The following OSBPL9 variants were observed in gnomAD, a reference collection of about 807,000 sequenced individuals.
OSBPL9 encodes the protein oxysterol binding protein like 9.
A neutral mutation model predicts 106.6 loss-of-function variants in OSBPL9; 40 were observed. That is an observed-to-expected ratio of 0.38 (90% CI 0.29 to 0.49). The LOEUF (loss-of-function observed/expected upper bound fraction) is 0.49. Ranked by LOEUF, OSBPL9 falls within the 20% of genes least tolerant of loss-of-function variation. OSBPL9 has a pLI of 0.97. For synonymous variants in OSBPL9, 269 were observed against 295.4 expected (o/e 0.91, Z 0.92); for missense variants, 609 against 887.2 (o/e 0.69, Z 3.98).
the OSBPL9 span, among the ~76,000 whole-genome samples, chr1:51,518,938 G>T: frequency 6.6e-6 from 1 of 151,354 alleles, no homozygotes; most frequent in Admixed American, 6.6e-5. Flanking sequence ...GCAGCGGCGC[G>T]GAGGGCGGCG....
chr1:51,591,261 G>A (rs1455926360), intron 1 of OSBPL9, among the ~76,000 whole-genome samples: 41 of 151,880 alleles, frequency 2.7e-4, no homozygotes, highest in Non-Finnish European at 7.4e-5. Context: ...TAATAGAGAC[G>A]AGGTCTCACT....
chr1:51,673,015 TG>T (rs1650263288), intron 3 of OSBPL9, among the ~76,000 whole-genome samples: 1 of 152,118 alleles, frequency 6.6e-6, no homozygotes, highest in Admixed American at 6.6e-5. Flanking sequence ...CACAAGAATT[TG>T]GGAATAAATG....
At chr1:51,596,611 C>G (rs1645301022) in intron 1 of OSBPL9, among the ~76,000 whole-genome samples, 1 of 149,574 alleles carries the variant, frequency 6.7e-6, no homozygotes, top group South Asian at 2.1e-4. Context: ...GAAACCCCAT[C>G]CCTACTAAAA....
upstream of OSBPL9, among the ~76,000 whole-genome samples, chr1:51,576,290 C>T (rs1031361130): frequency 1.3e-5 from 2 of 152,126 alleles, no homozygotes; most frequent in African/African-American, 4.8e-5. Context: ...GAGGGAGGGG[C>T]CTCAGAGCTT....
In OSBPL9 at chr1:51,720,899, G is replaced by A. The variant is rs138310394; in HGVS notation, c.318+6820G>A. 5.8e-3 allele frequency among the ~76,000 whole-genome samples: 851 copies of A among 147,596 alleles called. 2 individuals carry two copies. Among genetic ancestry groups the A allele is most frequent in the African/African-American group, 0.02 (811 of 39,910 alleles). On this transcript the variant is annotated intron_variant, in intron 4 of 23. Transcript: ENST00000428468. Reference sequence around the variant, plus strand: ...TGCAGCCTCGACCTCCCAGGCTCAAGCAGTCCTCTCACCTCAGCCTTCTAA... The same window carrying A: ...TGCAGCCTCGACCTCCCAGGCTCAAACAGTCCTCTCACCTCAGCCTTCTAA...
intron 3 of OSBPL9, among the ~76,000 whole-genome samples, chr1:51,681,224 A>G (rs1652486752): frequency 6.6e-6 from 1 of 152,234 alleles, no homozygotes; most frequent in Non-Finnish European, 1.5e-5. Flanking sequence ...ACCTTTGTAT[A>G]TAATGTACCT....
At chr1:51,599,530 TATC>T (rs1645317591) in intron 2 of OSBPL9, among the ~76,000 whole-genome samples, 1 of 152,138 alleles carries the variant, frequency 6.6e-6, no homozygotes, top group South Asian at 2.1e-4. Flanking sequence ...CTTTTTAGAA[TATC>T]ATGCTTAGAT....
intron 1 of OSBPL9, among the ~76,000 whole-genome samples, chr1:51,648,182 C>T (rs116639142): frequency 6.6e-5 from 10 of 152,244 alleles, no homozygotes; most frequent in South Asian, 2.1e-4. Context: ...AGATTGCTGG[C>T]GTTATGTCAG....
At chr1:51,681,294 G>C (rs988888807) in intron 3 of OSBPL9, among the ~76,000 whole-genome samples, 6 of 151,822 alleles carry the variant, frequency 4.0e-5, no homozygotes, top group African/African-American at 1.2e-4. Flanking sequence ...GGTATAGGAG[G>C]GTATATTCTT....
intron 2 of OSBPL9, among the ~76,000 whole-genome samples, chr1:51,608,349 G>A (rs1328121444): frequency 6.6e-6 from 1 of 152,148 alleles, no homozygotes; most frequent in Non-Finnish European, 1.5e-5. Context: ...CTAGAGTGCA[G>A]TGGTGCAATC....
intron 2 of OSBPL9, 51 bp from the exon 3 acceptor site, chr1:51,669,383 A>G: frequency 2.0e-6 from 3 of 1,502,734 alleles, no homozygotes; most frequent in Non-Finnish European, 2.8e-6. Context: ...AGTAGTGAAT[A>G]TTGCTGATGT....
intron 2 of OSBPL9, among the ~76,000 whole-genome samples, chr1:51,658,495 A>C (rs1431592947): frequency 2.6e-5 from 4 of 152,194 alleles, no homozygotes; most frequent in Admixed American, 1.3e-4. Context: ...TGGTAAATTT[A>C]TTATACATCT....
At chr1:51,741,800 ATTG>A (rs1412558276) in intron 4 of OSBPL9, among the ~76,000 whole-genome samples, 2 of 152,080 alleles carry the variant, frequency 1.3e-5, no homozygotes, top group Non-Finnish European at 2.9e-5. Flanking sequence ...TTTCTCTATA[ATTG>A]TTGTGTATAA....
intron 3 of OSBPL9, among the ~76,000 whole-genome samples, chr1:51,713,753 TC>T (rs1660545716): frequency 6.6e-6 from 1 of 152,236 alleles, no homozygotes; most frequent in Non-Finnish European, 1.5e-5. Context: ...CTAGTTGTTC[TC>T]AGTGGGAAGG....
chr1:51,774,147 A>G (rs1316964036), intron 14 of OSBPL9, among the ~76,000 whole-genome samples: 1 of 152,174 alleles, frequency 6.6e-6, no homozygotes, highest in Non-Finnish European at 1.5e-5. Flanking sequence ...AGAGAAGGCC[A>G]TGGCAGCCCA....
Position 51,617,107 on chromosome 1 carries a change from C to A in OSBPL9, c.-4C>A, listed in dbSNP as rs1271478367. The A allele has an allele frequency of 6.2e-7, 1 of 1,608,502 alleles. No individual in the cohort carries two copies. Among genetic ancestry groups the A allele is most frequent in the East Asian group, 2.2e-5 (1 of 44,652 alleles). ...GCCGTTTGTTGTCATTGGCGGCTCC[C>A]AAGATGGCGTCCATCATGGAAGGGC... On this transcript the variant is annotated 5_prime_UTR_variant, in exon 1 of 24. Transcript: ENST00000428468.
intron 13 of OSBPL9, 71 bp downstream of exon 13, chr1:51,772,253 C>T: frequency 9.3e-6 from 12 of 1,292,096 alleles, no homozygotes; most frequent in Non-Finnish European, 1.2e-5. Context: ...TGGCTCATGC[C>T]GTAATCCCAG....
chr1:51,571,565 G>A, the OSBPL9 span, among the ~76,000 whole-genome samples: 2 of 152,154 alleles, frequency 1.3e-5, no homozygotes, highest in African/African-American at 4.8e-5. Context: ...TACTCCAGAG[G>A]CTGAGGTGGG....
At chr1:51,691,642 G>T (rs568472745) in intron 3 of OSBPL9, among the ~76,000 whole-genome samples, 1 of 151,974 alleles carries the variant, frequency 6.6e-6, no homozygotes, top group South Asian at 2.1e-4. Context: ...TTAACTTCAT[G>T]TCTCTTTTGT....
Sources: gnomAD v4.1 joint callset for allele counts (sites outside exome capture counted in the v4.1 genomes callset) on GRCh38, gnomAD v4.1.1 for gene constraint, MANE v1.5 for transcripts, NCBI Gene and HGNC (gene_info 2026-07-23, HGNC 2026-07-21) for gene names.